ASH1L: variants seen among roughly 807,000 people sequenced by gnomAD.
The protein encoded by ASH1L is ASH1 like histone lysine methyltransferase, also known as histone-lysine N-methyltransferase ASH1L.
A neutral mutation model predicts 269.0 loss-of-function variants in ASH1L; 23 were observed. The ratio of observed to expected loss-of-function variants is 0.09; its 90% CI spans 0.06 to 0.12. The LOEUF (loss-of-function observed/expected upper bound fraction) is 0.12. Ranked by LOEUF, ASH1L falls within the 10% of genes least tolerant of loss-of-function variation. ASH1L has a pLI of 1.00. For synonymous variants in ASH1L, 1,187 were observed against 1,253.5 expected (o/e 0.95, Z 1.12); for missense variants, 2,912 against 3,567.8 (o/e 0.82, Z 4.68).
At chr1:155,487,278 T>G (rs2148749207) in intron 2 of ASH1L, among the ~76,000 whole-genome samples, 1 of 152,090 alleles carries the variant, frequency 6.6e-6, no homozygotes, top group East Asian at 1.9e-4. Flanking sequence ...GAGGAAAAAT[T>G]TATTATGATA....
chr1:155,379,436 T>G (rs528848763), intron 8 of ASH1L, among the ~76,000 whole-genome samples: 14 of 152,314 alleles, frequency 9.2e-5, no homozygotes, highest in African/African-American at 3.1e-4. Flanking sequence ...TGCATGACTA[T>G]TTCTATTTCC....
intron 17 of ASH1L, among the ~76,000 whole-genome samples, chr1:155,352,414 T>G (rs1346907154): frequency 1.3e-5 from 2 of 152,012 alleles, no homozygotes; most frequent in Non-Finnish European, 2.9e-5. Context: ...TTAGGGCAGT[T>G]TGGTCCCCAT....
At chr1:155,549,430 G>A (rs1466852086) in intron 1 of ASH1L, among the ~76,000 whole-genome samples, 1 of 152,074 alleles carries the variant, frequency 6.6e-6, no homozygotes, top group Non-Finnish European at 1.5e-5. Context: ...CTGAGGTCAG[G>A]AGTTCAAGAC....
At chr1:155,341,912 T>A (rs758196358) in intron 25 of ASH1L, 24 bp downstream of exon 25, 2 of 1,611,858 alleles carry the variant, frequency 1.2e-6, no homozygotes, top group African/African-American at 2.7e-5. Context: ...TAACATGTAG[T>A]GTTAAGAAAG....
In ASH1L at chr1:155,463,835, A is replaced by C. The variant is rs1008406698; in HGVS notation, c.4985-3937T>G. On this transcript the variant is annotated intron_variant, in intron 3 of 27. Transcript: ENST00000392403. The stretch of plus-strand genomic sequence containing the variant: ...ATGATAGAAAGAAGAGCAGTGAGTT[A>C]TACCCAGTAGGGAGCTAGAACTAAC... Among the ~76,000 whole-genome samples, 42 of 152,224 alleles carry C rather than the reference A, an allele frequency of 2.8e-4. No individual in the cohort carries two copies. The Middle Eastern group carries it at 0.01, about 37-fold the overall frequency.
chr1:155,348,911 T>TACACACAC (rs59676231), intron 19 of ASH1L, among the ~76,000 whole-genome samples: 4 of 140,406 alleles, frequency 2.8e-5, no homozygotes, highest in South Asian at 2.2e-4. Context: ...TATATATATA[T>TACACACAC]ACACACACAC....
At chr1:155,374,790 A>G (rs749691970) in intron 10 of ASH1L, among the ~76,000 whole-genome samples, 3 of 151,956 alleles carry the variant, frequency 2.0e-5, no homozygotes, top group Non-Finnish European at 4.4e-5. Context: ...TGTAACCTCT[A>G]GTTCATAATA....
At chr1:155,457,773 T>C (rs1278669887) in intron 4 of ASH1L, among the ~76,000 whole-genome samples, 1 of 152,218 alleles carries the variant, frequency 6.6e-6, no homozygotes, top group East Asian at 1.9e-4. Context: ...CAGAATAGTC[T>C]CATTGCAAAA....
intron 1 of ASH1L, among the ~76,000 whole-genome samples, chr1:155,557,584 A>C (rs1489103275): frequency 2.0e-5 from 3 of 152,000 alleles, no homozygotes; most frequent in Non-Finnish European, 4.4e-5. Flanking sequence ...CCGGCCTAGA[A>C]ATCATTATTT....
intron 17 of ASH1L, among the ~76,000 whole-genome samples, chr1:155,350,166 G>A (rs545114429): frequency 2.0e-5 from 3 of 151,794 alleles, no homozygotes; most frequent in African/African-American, 7.2e-5. Context: ...GATTACAGGC[G>A]TGAGCCACCG....
intron 5 of ASH1L, among the ~76,000 whole-genome samples, chr1:155,417,613 C>T (rs1178582675): frequency 6.6e-6 from 1 of 152,080 alleles, no homozygotes; most frequent in Non-Finnish European, 1.5e-5. Flanking sequence ...ACAGCAAGCC[C>T]AGAGGGTAAT....
chr1:155,359,306 T>A (rs1160426530), intron 13 of ASH1L, among the ~76,000 whole-genome samples: 1 of 152,128 alleles, frequency 6.6e-6, no homozygotes, highest in South Asian at 2.1e-4. Context: ...TTTTTTGAGC[T>A]GAAGTCTCGC....
chr1:155,434,030 A>G, intron 5 of ASH1L: 1 of 1,590,948 alleles, frequency 6.3e-7, no homozygotes, highest in Non-Finnish European at 8.6e-7. Context: ...CCGGTGCCAG[A>G]AAGGCAAGCA....
At chr1:155,420,060 A>G (rs1660540700) in intron 5 of ASH1L, among the ~76,000 whole-genome samples, 1 of 152,158 alleles carries the variant, frequency 6.6e-6, no homozygotes, top group African/African-American at 2.4e-5. Context: ...ACTCACTCCT[A>G]TAATCCCAAC....
In ASH1L at chr1:155,478,605, G is replaced by A; in HGVS notation, c.4265C>T (p.Pro1422Leu). The part of the protein sequence containing the change: ...PPSPSFTTPL[P>L]PPSYMHAGHL... The stretch of plus-strand genomic sequence containing the variant: ...ACCAGCATGCATATAGGAAGGAGGT[G>A]GAAGTGGCGTGGTGAAAGAAGGAGA... The change falls in exon 3 of 28, where the codon CCA becomes CTA. Residue 1422 changes from proline (P) to leucine (L), a missense_variant. By Grantham distance (98) the Pro-to-Leu change is moderately conservative (BLOSUM62 -3). This residue lies in a region of ASH1L where 789 missense variants were observed against 897.6 expected (regional missense o/e 0.88). Coordinates refer to ENST00000392403, the MANE Select transcript of ASH1L (RefSeq NM_018489.3). This position sits in a 1 kb window ranked among gnomAD's most constrained non-coding sequence, Gnocchi z 4.6. 1 of 1,614,060 alleles carries A rather than the reference G, an allele frequency of 6.2e-7. No individual in the cohort carries two copies. Among genetic ancestry groups the A allele is most frequent in the Non-Finnish European group, 8.5e-7 (1 of 1,180,022 alleles).
In ASH1L at chr1:155,481,549, T is replaced by G. The variant is rs1311284131; in HGVS notation, c.1321A>C (p.Ser441Arg). ...CTTTCCTGATTATTGATGTTTGTAC[T>G]ACAAGAAGCCTTAAGCGGTTCCTGA... Reference protein sequence around the residue: ...PTQEPLKASCSTNINNQESQE... With the variant: ...PTQEPLKASCRTNINNQESQE... Residue 441 changes from serine (S) to arginine (R), a missense_variant, in exon 3 of 28, where the codon AGT becomes CGT. Ser to Arg is a moderately radical substitution (Grantham distance 110). This residue lies in a region of ASH1L where 715 missense variants were observed against 721.0 expected (regional missense o/e 0.99). Coordinates refer to ENST00000392403, the MANE Select transcript of ASH1L (RefSeq NM_018489.3). 6.2e-7 allele frequency: 1 copy of G among 1,614,204 alleles called. No individual in the cohort carries two copies. Among genetic ancestry groups the G allele is most frequent in the East Asian group, 2.2e-5 (1 of 44,890 alleles).
chr1:155,531,267 A>G (rs1360700039), intron 1 of ASH1L, among the ~76,000 whole-genome samples: 1 of 152,140 alleles, frequency 6.6e-6, no homozygotes, highest in African/African-American at 2.4e-5. Context: ...AAATTTTCCC[A>G]TTACAATTTT....
At position 155,478,190 on chromosome 1, in the gene ASH1L, C is replaced by A; in HGVS notation, c.4680G>T (p.Glu1560Asp). 2 of 1,614,094 alleles carry A rather than the reference C, an allele frequency of 1.2e-6. No homozygotes were observed. The highest frequency in any genetic ancestry group is 2.2e-5 in the East Asian group (1 of 44,884). ...INREEQWVHR[E>D]PSESSPLALG... ...AGGCCAATGGACTAGATTCTGAAGGCTCTCGGTGGACCCACTGTTCCTCTC... is the reference window on the plus strand; with the variant it reads ...AGGCCAATGGACTAGATTCTGAAGGATCTCGGTGGACCCACTGTTCCTCTC... Residue 1560 changes from glutamate (E) to aspartate (D), a missense_variant, in exon 3 of 28, where the codon GAG (glutamate) becomes GAT (aspartate). Physicochemically the swap from Glu to Asp is conservative, Grantham distance 45. Transcript: ENST00000392403. The surrounding 1 kb of genome is among the most constrained non-coding windows in gnomAD (Gnocchi z 4.6).
chr1:155,562,484 A>G lies in ASH1L; in HGVS notation c.-431T>C, dbSNP rs2148940960. On this transcript the variant is annotated 5_prime_UTR_variant, in exon 1 of 28. Coordinates refer to ENST00000392403, the MANE Select transcript of ASH1L (RefSeq NM_018489.3). The stretch of plus-strand genomic sequence containing the variant: ...CGGCGGTGGCGGCGGCAGCTCCTCC[A>G]GAGGGAGGGAGCGAAGGGCGCCTAG... 3 of 1,470,266 alleles carry G rather than the reference A, an allele frequency of 2.0e-6. No individual in the cohort carries two copies. Among genetic ancestry groups the G allele is most frequent in the Non-Finnish European group, 2.8e-6 (3 of 1,086,428 alleles). 91.1% of individuals were successfully genotyped at this position (1,470,266 alleles called of 1,614,324 possible).
Sources: gnomAD v4.1 joint callset for allele counts (sites outside exome capture counted in the v4.1 genomes callset) on GRCh38, gnomAD v4.1.1 for gene constraint, gnomAD v4.1.1 regional missense constraint, Gnocchi (gnomAD v3.1) non-coding constraint, MANE v1.5 for transcripts, NCBI Gene and HGNC (gene_info 2026-07-23, HGNC 2026-07-21) for gene names.